UQCRFS1: variants seen among roughly 807,000 people sequenced by gnomAD.
The protein encoded by UQCRFS1 is ubiquinol-cytochrome c reductase, Rieske iron-sulfur polypeptide 1.
UQCRFS1 carries 6 observed loss-of-function variants against 15.6 expected under a neutral mutation model. That is an observed-to-expected ratio of 0.38 (90% CI 0.21 to 0.76). The LOEUF (loss-of-function observed/expected upper bound fraction) is 0.76. Among genes scored for constraint, UQCRFS1 ranks in the 30% least tolerant of loss-of-function variants. The pLI, the probability that UQCRFS1 is intolerant of heterozygous loss-of-function variation, is 0.44. For synonymous variants in UQCRFS1, 105 were observed against 154.3 expected (o/e 0.68, Z 2.37); for missense variants, 203 against 366.7 (o/e 0.55, Z 3.65).
In UQCRFS1 at chr19:29,206,270, A is replaced by G. The variant is rs976297619; in HGVS notation, c.*1278T>C. 2.0e-5 allele frequency: 3 copies of G among 152,228 alleles called. No individual in the cohort carries two copies. The highest frequency in any genetic ancestry group is 7.2e-5 in the African/African-American group (3 of 41,456). 9.4% of individuals were successfully genotyped at this position (152,228 alleles called of 1,614,324 possible). A position where few individuals can be genotyped will look rare whatever the true frequency, so the allele number is the denominator to read the frequency against. ...TGGTAAAAATGAAGCAAAGACTAGT[A>G]TCTACTCATAAGCATAGAAAGTTTG... On this transcript the variant is annotated 3_prime_UTR_variant, in exon 2 of 2. Coordinates refer to ENST00000304863, the MANE Select transcript of UQCRFS1 (RefSeq NM_006003.3).
chr19:29,208,920 A>C (rs985324259), intron 1 of UQCRFS1, among the ~76,000 whole-genome samples: 43 of 152,194 alleles, frequency 2.8e-4, no homozygotes, highest in African/African-American at 1.0e-3. Context: ...CAAAATTTTC[A>C]TATCTCCCCC....
intron 1 of UQCRFS1, among the ~76,000 whole-genome samples, chr19:29,211,541 A>T (rs1208222898): frequency 1.3e-5 from 2 of 152,242 alleles, no homozygotes; most frequent in Non-Finnish European, 2.9e-5. Context: ...ACGTTGTGAA[A>T]GATAGAAAAA....
chr19:29,207,070 C>A lies in UQCRFS1; in HGVS notation c.*478G>T. The A allele has an allele frequency of 6.4e-6, 1 of 156,910 alleles. No homozygotes were observed. The highest frequency in any genetic ancestry group is 6.3e-5 in the Admixed American group (1 of 15,986). The allele number at this position is 156,910 out of a possible 1,614,324, so 9.7% of individuals were successfully genotyped here. On this transcript the variant is annotated 3_prime_UTR_variant, in exon 2 of 2. Transcript: ENST00000304863. ...CGGCTTACACAGTAGGGAGGAAATGCATAGCCAGGACTCTTACCAAGTCCG... is the reference window on the plus strand; with the variant it reads ...CGGCTTACACAGTAGGGAGGAAATGAATAGCCAGGACTCTTACCAAGTCCG...
In UQCRFS1 at chr19:29,207,328, G is replaced by C. The variant is rs1322456923; in HGVS notation, c.*220C>G. ...AGCTAAAAGACATTGTACCTTTCGC[G>C]TGTATGACTGAGCATAACAGTGCTT... On this transcript the variant is annotated 3_prime_UTR_variant, in exon 2 of 2. Transcript: ENST00000304863. The C allele has an allele frequency of 7.4e-6, 4 of 542,870 alleles. No individual in the cohort carries two copies. Among genetic ancestry groups the C allele is most frequent in the Middle Eastern group, 5.0e-4 (1 of 2,004 alleles). The allele number at this position is 542,870 out of a possible 1,614,324, so 33.6% of individuals were successfully genotyped here. A position where few individuals can be genotyped will look rare whatever the true frequency, so the allele number is the denominator to read the frequency against.
At chr19:29,209,048 G>A (rs1399725209) in intron 1 of UQCRFS1, among the ~76,000 whole-genome samples, 1 of 152,054 alleles carries the variant, frequency 6.6e-6, no homozygotes, top group Non-Finnish European at 1.5e-5. Flanking sequence ...TCAAATGAAT[G>A]TTAAACAAAT....
At position 29,207,325 on chromosome 19, in the gene UQCRFS1, C is replaced by T. The variant is rs149843110; in HGVS notation, c.*223G>A. 4.0e-3 allele frequency: 2,076 copies of T among 517,244 alleles called. 34 individuals carry two copies. The highest frequency in any genetic ancestry group is 0.035 in the African/African-American group (1,826 of 51,636). 32.0% of individuals were successfully genotyped at this position (517,244 alleles called of 1,614,324 possible). On this transcript the variant is annotated 3_prime_UTR_variant, in exon 2 of 2. Coordinates refer to ENST00000304863, the MANE Select transcript of UQCRFS1 (RefSeq NM_006003.3). ...ATTAGCTAAAAGACATTGTACCTTTCGCGTGTATGACTGAGCATAACAGTG... is the reference window on the plus strand; with the variant it reads ...ATTAGCTAAAAGACATTGTACCTTTTGCGTGTATGACTGAGCATAACAGTG...
intron 1 of UQCRFS1, 138 bp from the exon 2 acceptor site, chr19:29,208,296 T>G (rs1976613082): frequency 8.5e-7 from 1 of 1,176,272 alleles, no homozygotes; most frequent in Non-Finnish European, 1.2e-6. Flanking sequence ...TCACTGGGTC[T>G]CAGAAATAGT....
intron 1 of UQCRFS1, among the ~76,000 whole-genome samples, chr19:29,211,685 C>T (rs1242734721): frequency 6.6e-6 from 1 of 152,152 alleles, no homozygotes; most frequent in East Asian, 1.9e-4. Context: ...TTCACCTGAT[C>T]CTTAACTGAG....
chr19:29,207,610 G>A lies in UQCRFS1; in HGVS notation c.763C>T (p.Pro255Ser), dbSNP rs968404848. 9 of 1,613,810 alleles carry A rather than the reference G, an allele frequency of 5.6e-6. No homozygotes were observed. The highest frequency in any genetic ancestry group is 4.0e-5 in the African/African-American group (3 of 74,908). ...ASGRIRLGPA[P>S]LNLEVPTYEF... ...TACGTGGGGACTTCAAGGTTGAGAGGAGCAGGACCCAATCTGATCCTGCCA... is the reference window on the plus strand; with the variant it reads ...TACGTGGGGACTTCAAGGTTGAGAGAAGCAGGACCCAATCTGATCCTGCCA... Residue 255 changes from proline to serine, a missense_variant, in exon 2 of 2, where the codon CCT becomes TCT. Pro to Ser is a moderately conservative substitution (Grantham distance 74). Coordinates refer to ENST00000304863, the MANE Select transcript of UQCRFS1 (RefSeq NM_006003.3).
intron 1 of UQCRFS1, among the ~76,000 whole-genome samples, chr19:29,208,535 T>C (rs929256480): frequency 6.6e-5 from 10 of 152,162 alleles, no homozygotes; most frequent in Non-Finnish European, 1.5e-4. Context: ...TGCCAAGACT[T>C]ACTATATAAA....
chr19:29,210,106 G>A (rs1976629362), intron 1 of UQCRFS1, among the ~76,000 whole-genome samples: 1 of 152,160 alleles, frequency 6.6e-6, no homozygotes, highest in Non-Finnish European at 1.5e-5. Flanking sequence ...AACAAAACAA[G>A]TTTTATTTTA....
At chr19:29,208,776 C>T (rs1452853890) in intron 1 of UQCRFS1, among the ~76,000 whole-genome samples, 7 of 152,148 alleles carry the variant, frequency 4.6e-5, no homozygotes, top group Admixed American at 4.6e-4. Flanking sequence ...ATTTTATACT[C>T]TAGTGTATAA....
In UQCRFS1 at chr19:29,207,870, T is replaced by G. The variant is rs1372090658; in HGVS notation, c.503A>C (p.Lys168Thr). The change falls in exon 2 of 2, where the codon AAA (lysine) becomes ACA (threonine). Residue 168 changes from lysine (K) to threonine (T), a missense_variant. Around this residue, in one of 3 missense-constraint regions of UQCRFS1, gnomAD observed 91 missense variants for 186.9 expected, o/e 0.49. Coordinates refer to ENST00000304863, the MANE Select transcript of UQCRFS1 (RefSeq NM_006003.3). ...CACAAACAGGGGTTTGCCTCTCCAT[T>G]TGAAAGCCATGTTCTTGCCTTCTGG... Reference protein sequence around the residue: ...DIPEGKNMAFKWRGKPLFVRH... With the variant: ...DIPEGKNMAFTWRGKPLFVRH... The G allele has an allele frequency of 6.2e-7, 1 of 1,614,034 alleles. No individual in the cohort carries two copies. The highest frequency in any genetic ancestry group is 8.5e-7 in the Non-Finnish European group (1 of 1,179,876).
chr19:29,208,104 T>G lies in UQCRFS1; in HGVS notation c.269A>C (p.Glu90Ala), dbSNP rs763350909. The change falls in exon 2 of 2, where the codon GAA becomes GCA. Residue 90 changes from glutamate to alanine, a missense_variant. Transcript: ENST00000304863. ...HTDIKVPDFS[E>A]YRRLEVLDST... ...ATCTAAAACTTCAAGGCGGCGGTATTCAGAGAAGTCAGGCACCTTGATGTC... is the reference window on the plus strand; with the variant it reads ...ATCTAAAACTTCAAGGCGGCGGTATGCAGAGAAGTCAGGCACCTTGATGTC... 1 of 1,614,114 alleles carries G rather than the reference T, an allele frequency of 6.2e-7. No individual in the cohort carries two copies. Among genetic ancestry groups the G allele is most frequent in the Non-Finnish European group, 8.5e-7 (1 of 1,179,980 alleles).
intron 1 of UQCRFS1, among the ~76,000 whole-genome samples, chr19:29,208,365 A>G (rs933299579): frequency 1.5e-4 from 23 of 152,258 alleles, no homozygotes; most frequent in Non-Finnish European, 2.9e-5. Flanking sequence ...ACCACCACCT[A>G]TCATACTGGT....
In UQCRFS1 at chr19:29,212,155, C is replaced by A. The variant is rs188659355; in HGVS notation, c.214+750G>T. Among the ~76,000 whole-genome samples the A allele has an allele frequency of 3.9e-5, 6 of 152,304 alleles. No individual in the cohort carries two copies. In the East Asian group the frequency reaches 1.2e-3, roughly 29 times the overall value. ...CGAGGCAAAGAAGATAAACGGGGATCTAAGGACAGAGGGTGTGGAATAGCC... is the reference window on the plus strand; with the variant it reads ...CGAGGCAAAGAAGATAAACGGGGATATAAGGACAGAGGGTGTGGAATAGCC... On this transcript the variant is annotated intron_variant, in intron 1 of 1. Transcript: ENST00000304863.
intron 1 of UQCRFS1, among the ~76,000 whole-genome samples, chr19:29,208,649 C>T (rs1976615885): frequency 6.6e-6 from 1 of 152,176 alleles, no homozygotes; most frequent in Non-Finnish European, 1.5e-5. Context: ...AGGCAAATGT[C>T]TGCCCCTTAT....
Position 29,207,901 on chromosome 19 carries a change from C to G in UQCRFS1, c.472G>C (p.Asp158His). The G allele has an allele frequency of 6.2e-7, 1 of 1,613,994 alleles. No individual in the cohort carries two copies. Among genetic ancestry groups the G allele is most frequent in the Non-Finnish European group, 8.5e-7 (1 of 1,179,872 alleles). The change falls in exon 2 of 2, where the codon GAT (aspartate) becomes CAT (histidine). Residue 158 changes from aspartate (D) to histidine (H), a missense_variant. Around this residue, in one of 3 missense-constraint regions of UQCRFS1, gnomAD observed 91 missense variants for 186.9 expected, o/e 0.49. Coordinates refer to ENST00000304863, the MANE Select transcript of UQCRFS1 (RefSeq NM_006003.3). ...GCCATGTTCTTGCCTTCTGGAATAT[C>G]GGATAACTTGATTTCGATTTTCGCC... ...ALAKIEIKLS[D>H]IPEGKNMAFK...
Position 29,208,228 on chromosome 19 carries a change from T to C in UQCRFS1, c.215-70A>G, listed in dbSNP as rs536986496. On this transcript the variant is annotated intron_variant, in intron 1 of 1. Coordinates refer to ENST00000304863, the MANE Select transcript of UQCRFS1 (RefSeq NM_006003.3). ...CCCGAAGGGAGTATATATCAGGAAA[T>C]AGCCCTTTATGGATTCACAGGTAAA... The C allele has an allele frequency of 9.2e-5, 139 of 1,506,438 alleles. 1 individual carries two copies. The East Asian group carries it at 3.0e-3, about 33-fold the overall frequency. The allele number at this position is 1,506,438 out of a possible 1,614,324, so 93.3% of individuals were successfully genotyped here.
Sources: allele counts gnomAD v4.1 joint callset (sites outside exome capture counted in the v4.1 genomes callset), GRCh38; gene constraint gnomAD v4.1.1; regional missense constraint gnomAD v4.1.1; transcripts MANE v1.5; gene names NCBI Gene and HGNC (gene_info 2026-07-23, HGNC 2026-07-21).